Variants in BDNF observed in about 807,000 individuals in gnomAD.
BDNF encodes brain derived neurotrophic factor.
In BDNF, 1 loss-of-function variant was observed where a neutral mutation model predicts 19.5. That is an observed-to-expected ratio of 0.05 (90% confidence interval 0.02 to 0.24). BDNF has a LOEUF of 0.24. BDNF is among the 10% of genes least tolerant of loss of function. The pLI, the probability that BDNF is intolerant of heterozygous loss-of-function variation, is 1.00. For missense variants in BDNF, 195 were observed against 317.6 expected, an observed-to-expected ratio of 0.61 and a Z score of 2.93; for synonymous variants, 100 against 121.6, an observed-to-expected ratio of 0.82 and a Z score of 1.17.
At position 27,670,849 on chromosome 11, in the gene BDNF, C is replaced by T. The variant is rs534619491; in HGVS notation, c.-21-12264G>A. Among the ~76,000 whole-genome samples, 11 of 152,266 alleles carry T rather than the reference C, an allele frequency of 7.2e-5. No individual in the cohort carries two copies. The South Asian group carries it at 2.1e-3, about 29-fold the overall frequency. ...TCAAACATTGTGGAAGACAGTGTGG[C>T]GATTCCTCTAGGATCTAGAACTAGA... is the stretch of plus-strand genomic sequence containing the variant. On this transcript the variant is annotated intron_variant, in intron 1 of 1. Transcript: ENST00000356660.
At chr11:27,686,113 C>A (rs1295285937) in intron 1 of BDNF, among the ~76,000 whole-genome samples, 2 of 152,084 alleles carry the variant, frequency 1.3e-5, no homozygotes, top group African/African-American at 4.8e-5. Flanking sequence ...GGATAGTTAG[C>A]TCTTCTTGTT....
intron 1 of BDNF, chr11:27,674,217 T>C: frequency 6.2e-7 from 1 of 1,600,382 alleles, no homozygotes; most frequent in Non-Finnish European, 8.5e-7. Flanking sequence ...CTGTAGAAAC[T>C]CAGCATTCTG....
intron 1 of BDNF, among the ~76,000 whole-genome samples, chr11:27,662,881 T>A (rs1300346935): frequency 1.3e-5 from 2 of 152,220 alleles, no homozygotes; most frequent in African/African-American, 4.8e-5. Context: ...ATTTGACAGA[T>A]AGCAATTATC....
intron 1 of BDNF, among the ~76,000 whole-genome samples, chr11:27,688,808 T>G: frequency 6.6e-6 from 1 of 152,322 alleles, no homozygotes; most frequent in Non-Finnish European, 1.5e-5. Context: ...TCACCCACCT[T>G]CTGCATTGAT....
chr11:27,720,725 C>G, intron 1 of BDNF: 1 of 986,024 alleles, frequency 1.0e-6, no homozygotes, highest in Non-Finnish European at 1.2e-6. Flanking sequence ...ATTACACACC[C>G]GGCACAGCAG....
At chr11:27,677,594 A>T (rs1242605733) in intron 1 of BDNF, 1 of 152,100 alleles carries the variant, frequency 6.6e-6, no homozygotes, top group African/African-American at 2.4e-5. Flanking sequence ...ATTTACCTGT[A>T]TCTATATAAA....
chr11:27,710,982 T>C (rs967195369), intron 1 of BDNF, among the ~76,000 whole-genome samples: 2 of 152,222 alleles, frequency 1.3e-5, no homozygotes, highest in African/African-American at 4.8e-5. Context: ...TATATACTTA[T>C]GTCTGGATCA....
At chr11:27,719,316 G>A (rs1860655719) in intron 1 of BDNF, among the ~76,000 whole-genome samples, 1 of 152,204 alleles carries the variant, frequency 6.6e-6, no homozygotes, top group Admixed American at 6.5e-5. Context: ...CCTCGCCCTG[G>A]CAGGGCGGTC....
At position 27,656,797 on chromosome 11, in the gene BDNF, G is replaced by A. The variant is rs571054679; in HGVS notation, c.*1024C>T. On this transcript the variant is annotated 3_prime_UTR_variant, in exon 2 of 2. Coordinates refer to ENST00000356660, the MANE Select transcript of BDNF (RefSeq NM_001709.5). ...AATCTTCATTTTGGGGTTATTTTTT[G>A]TTGTTTTCTGTTCTAAAAAAAAATC... is the stretch of plus-strand genomic sequence containing the variant. 4.1e-6 allele frequency: 4 copies of A among 985,016 alleles called. No individual in the cohort carries two copies. In the South Asian group the frequency reaches 1.9e-4, roughly 46 times the overall value. 61.0% of individuals were successfully genotyped at this position (985,016 alleles called of 1,614,324 possible).
intron 1 of BDNF, chr11:27,674,957 A>G: frequency 1.1e-6 from 1 of 877,940 alleles, no homozygotes; most frequent in South Asian, 5.2e-5. Flanking sequence ...ATGGTGAGGT[A>G]AATAATTTGA....
At chr11:27,674,832 A>G in intron 1 of BDNF, 5 of 931,600 alleles carry the variant, frequency 5.4e-6, no homozygotes, top group Non-Finnish European at 6.4e-6. Flanking sequence ...TAATAAATAC[A>G]ATACAGTATT....
At chr11:27,721,862 TAA>T (rs34578636) in exon 1 of BDNF, 31 of 169,322 alleles carry the variant, frequency 1.8e-4, no homozygotes, top group Non-Finnish European at 3.0e-4. Flanking sequence ...GGTACCCCTG[TAA>T]AAAAAAAAAC....
At chr11:27,670,051 C>T (rs541880404) in intron 1 of BDNF, among the ~76,000 whole-genome samples, 3 of 152,158 alleles carry the variant, frequency 2.0e-5, no homozygotes, top group African/African-American at 7.2e-5. Context: ...GTACTGGTAC[C>T]AAAACAGAGA....
intron 1 of BDNF, chr11:27,699,492 G>A (rs1351793249): frequency 3.7e-6 from 6 of 1,613,644 alleles, no homozygotes; most frequent in Non-Finnish European, 5.1e-6. Flanking sequence ...CCTGGAGGGC[G>A]CTTCAGAAGA....
chr11:27,659,638 T>TGTGTGC, intron 1 of BDNF: 2 of 997,992 alleles, frequency 2.0e-6, no homozygotes, highest in Non-Finnish European at 2.4e-6. Flanking sequence ...TCTGTGTGTG[T>TGTGTGC]GTGTGTGTGT....
intron 1 of BDNF, among the ~76,000 whole-genome samples, chr11:27,710,289 A>G (rs1312898355): frequency 6.6e-6 from 1 of 152,232 alleles, no homozygotes; most frequent in Non-Finnish European, 1.5e-5. Flanking sequence ...CCAATCCCTC[A>G]TTTAAAACCA....
chr11:27,657,638 T>C lies in BDNF; in HGVS notation c.*183A>G. ...TTTAAGTTGTGCGCAAATGACTGTTTCCCTTCTGGTCATGGACATGTCCAA... is the reference window on the plus strand; with the variant it reads ...TTTAAGTTGTGCGCAAATGACTGTTCCCCTTCTGGTCATGGACATGTCCAA... On this transcript the variant is annotated 3_prime_UTR_variant, in exon 2 of 2. Transcript: ENST00000356660. The surrounding 1 kb of genome is among the most constrained non-coding windows in gnomAD (Gnocchi z 5.0). 7.1e-7 allele frequency: 1 copy of C among 1,414,550 alleles called. No individual in the cohort carries two copies. The highest frequency in any genetic ancestry group is 1.6e-5 in the South Asian group (1 of 61,190). 87.6% of individuals were successfully genotyped at this position (1,414,550 alleles called of 1,614,324 possible). A position where few individuals can be genotyped will look rare whatever the true frequency, so the allele number is the denominator to read the frequency against.
intron 1 of BDNF, among the ~76,000 whole-genome samples, chr11:27,694,586 CTTT>C (rs34321446): frequency 4.0e-4 from 50 of 123,512 alleles, no homozygotes; most frequent in Non-Finnish European, 3.2e-4. Flanking sequence ...GGTTCCATAA[CTTT>C]TTTTTTTTTT....
At chr11:27,663,496 A>G (rs918163048) in intron 1 of BDNF, among the ~76,000 whole-genome samples, 1 of 152,178 alleles carries the variant, frequency 6.6e-6, no homozygotes, top group Non-Finnish European at 1.5e-5. Flanking sequence ...ATGCTCTTTT[A>G]CTCTTGCTGT....
Sources: gnomAD v4.1 joint callset for allele counts (sites outside exome capture counted in the v4.1 genomes callset) on GRCh38, gnomAD v4.1.1 for gene constraint, Gnocchi (gnomAD v3.1) non-coding constraint, MANE v1.5 for transcripts, NCBI Gene and HGNC (gene_info 2026-07-23, HGNC 2026-07-21) for gene names.